PATJ: variants seen among roughly 807,000 people sequenced by gnomAD.
The protein encoded by PATJ is inaD-like protein.
PATJ carries 190 observed loss-of-function variants against 224.9 expected under a neutral mutation model. That is an observed-to-expected ratio of 0.84 (90% CI 0.75 to 0.95). The LOEUF (loss-of-function observed/expected upper bound fraction) is 0.95, where lower values mean the gene tolerates loss of function less well. Ranked by LOEUF, PATJ falls within the 40% of genes least tolerant of loss-of-function variation. The pLI is 0.00. For missense variants in PATJ, 2,121 were observed against 2,270.3 expected, an observed-to-expected ratio of 0.93 and a Z score of 1.34; for synonymous variants, 769 against 820.3, an observed-to-expected ratio of 0.94 and a Z score of 1.07.
chr1:61,906,275 C>T (rs1290452737), intron 24 of PATJ, among the ~76,000 whole-genome samples: 1 of 152,190 alleles, frequency 6.6e-6, no homozygotes, highest in African/African-American at 2.4e-5. Context: ...AACCCAGAAG[C>T]TCATCAAATC....
At chr1:61,927,312 T>C (rs1675354158) in intron 26 of PATJ, among the ~76,000 whole-genome samples, 1 of 152,214 alleles carries the variant, frequency 6.6e-6, no homozygotes, top group Non-Finnish European at 1.5e-5. Flanking sequence ...AGAAAAAGTT[T>C]AAATCATTGT....
At chr1:62,098,813 G>A (rs1280068400) in intron 33 of PATJ, among the ~76,000 whole-genome samples, 1 of 152,038 alleles carries the variant, frequency 6.6e-6, no homozygotes, top group Non-Finnish European at 1.5e-5. Flanking sequence ...AATTTTTAAA[G>A]CATTTGGTCA....
At position 61,796,722 on chromosome 1, in the gene PATJ, C is replaced by CTTTCTTTCTTTCTT. The variant is rs1557661332; in HGVS notation, c.1261-562_1261-561insCTTTCTTTCTTTTT. ...TCTTTCTTTCTTTCTTTCTTTCTTT[C>CTTTCTTTCTTTCTT]TTTTTCTTTCTTTCTTTCTTTTTTT... On this transcript the variant is annotated intron_variant, in intron 10 of 43. Transcript: ENST00000642238. 4.2e-4 allele frequency among the ~76,000 whole-genome samples: 13 copies of CTTTCTTTCTTTCTT among 31,156 alleles called. No homozygotes were observed. The Admixed American group carries it at 5.0e-3, about 12-fold the overall frequency. The allele number at this position is 31,156 out of a possible 152,430, so 20.4% of individuals were successfully genotyped here. A position where few individuals can be genotyped will look rare whatever the true frequency, so the allele number is the denominator to read the frequency against.
intron 33 of PATJ, among the ~76,000 whole-genome samples, chr1:62,101,302 C>T (rs1212466896): frequency 7.2e-6 from 1 of 139,048 alleles, no homozygotes; most frequent in East Asian, 2.3e-4. Context: ...CTCGCTCTGT[C>T]ACCCAGGCTG....
intron 20 of PATJ, among the ~76,000 whole-genome samples, chr1:61,871,200 G>A (rs1228040256): frequency 7.0e-6 from 1 of 143,244 alleles, no homozygotes; most frequent in Non-Finnish European, 1.5e-5. Context: ...AGAAATTCTT[G>A]TTTATTTAAT....
intron 27 of PATJ, among the ~76,000 whole-genome samples, chr1:61,974,531 A>G (rs984427191): frequency 6.7e-6 from 1 of 149,476 alleles, no homozygotes; most frequent in Non-Finnish European, 1.5e-5. Flanking sequence ...CTCCTGACTC[A>G]GCATCCGCTA....
intron 18 of PATJ, among the ~76,000 whole-genome samples, chr1:61,857,057 A>G (rs763365194): frequency 6.6e-6 from 1 of 152,200 alleles, no homozygotes; most frequent in Non-Finnish European, 1.5e-5. Context: ...AACTCCTAGC[A>G]TCAAGAACCC....
chr1:61,763,116 A>AAAGAGTCCTCTCTTC lies in PATJ; in HGVS notation c.129_143dup (p.Lys43_Phe47dup). 6.2e-7 allele frequency: 1 copy of AAAGAGTCCTCTCTTC among 1,609,630 alleles called. No homozygotes were observed. Among genetic ancestry groups the AAAGAGTCCTCTCTTC allele is most frequent in the Non-Finnish European group, 8.5e-7 (1 of 1,177,174 alleles). ...AGTTATCTATGTTTTATGAGACACTAAAGAGTCCTCTCTTCAACCAGATAC... is the reference window on the plus strand; with the variant it reads ...AGTTATCTATGTTTTATGAGACACTAAAGAGTCCTCTCTTCAAGAGTCCTCTCTTCAACCAGATAC... On this transcript the variant is annotated inframe_insertion, in exon 3 of 44. Coordinates refer to ENST00000642238, the MANE Select transcript of PATJ (RefSeq NM_001350145.3).
At chr1:62,006,460 C>G (rs546223811) in intron 28 of PATJ, among the ~76,000 whole-genome samples, 54 of 152,312 alleles carry the variant, frequency 3.5e-4, no homozygotes, top group African/African-American at 1.3e-3. Flanking sequence ...AAAAAATTAA[C>G]AGTAGTTGAA....
At chr1:61,783,853 T>G (rs1216218889) in intron 7 of PATJ, among the ~76,000 whole-genome samples, 2 of 151,724 alleles carry the variant, frequency 1.3e-5, no homozygotes, top group African/African-American at 4.8e-5. Context: ...GTTCAAGTCT[T>G]GTGCCTCAGC....
intron 33 of PATJ, among the ~76,000 whole-genome samples, chr1:62,094,406 T>G (rs989629898): frequency 6.6e-6 from 1 of 151,956 alleles, no homozygotes; most frequent in African/African-American, 2.4e-5. Context: ...TTTTTTTTAT[T>G]TTTATATTTT....
chr1:62,153,357 G>C lies in PATJ; in HGVS notation c.5379-1G>C. 8.1e-7 allele frequency: 1 copy of C among 1,231,388 alleles called. No individual in the cohort carries two copies. The highest frequency in any genetic ancestry group is 1.0e-6 in the Non-Finnish European group (1 of 987,316). The allele number at this position is 1,231,388 out of a possible 1,614,324, so 76.3% of individuals were successfully genotyped here. On this transcript the variant is annotated splice_acceptor_variant, in intron 42 of 43. Coordinates refer to ENST00000642238, the MANE Select transcript of PATJ (RefSeq NM_001350145.3). LOFTEE classifies it high-confidence loss of function. ...TTAAACAGCATGCATTGTGTTTTCA[G>C]AACACCTCCACCTAAGATTATTACT...
At chr1:61,930,832 G>A (rs1020151077) in intron 27 of PATJ, among the ~76,000 whole-genome samples, 5 of 151,880 alleles carry the variant, frequency 3.3e-5, no homozygotes, top group African/African-American at 9.7e-5. Flanking sequence ...CTCAGCCTCC[G>A]GAGTAGCAGG....
At chr1:61,803,534 C>A (rs571231417) in intron 12 of PATJ, among the ~76,000 whole-genome samples, 70 of 152,120 alleles carry the variant, frequency 4.6e-4, no homozygotes, top group African/African-American at 1.6e-3. Flanking sequence ...CCGGTAAAGA[C>A]AATGAACAGA....
intron 14 of PATJ, among the ~76,000 whole-genome samples, chr1:61,821,510 T>A (rs990031850): frequency 6.6e-6 from 1 of 152,172 alleles, no homozygotes; most frequent in African/African-American, 2.4e-5. Context: ...GCCAGACTCC[T>A]TGCCACTTCA....
intron 33 of PATJ, among the ~76,000 whole-genome samples, chr1:62,096,808 G>C (rs910240509): frequency 1.3e-5 from 2 of 152,094 alleles, no homozygotes; most frequent in Non-Finnish European, 2.9e-5. Flanking sequence ...GTACAGACGA[G>C]GTTTCACCAG....
chr1:62,135,200 C>T (rs934276686), intron 41 of PATJ, among the ~76,000 whole-genome samples: 5 of 151,988 alleles, frequency 3.3e-5, no homozygotes, highest in African/African-American at 1.2e-4. Context: ...AAAGTAGTCT[C>T]CAGGGTTTGC....
rs2498972 is a variant in PATJ at position 61,976,877 on chromosome 1, C to T, written c.3671-13291C>T. 3.6e-3 allele frequency among the ~76,000 whole-genome samples: 540 copies of T among 152,098 alleles called. 8 individuals are homozygous for T. The highest frequency in any genetic ancestry group is 0.012 in the African/African-American group (509 of 41,390). On this transcript the variant is annotated intron_variant, in intron 27 of 43. Transcript: ENST00000642238. The stretch of plus-strand genomic sequence containing the variant: ...TTATTTTTCTTTACTGAAATATTTT[C>T]AAATTATCCCCAGACATTATGTCAT...
chr1:61,921,910 T>TAAA (rs1674393059), intron 26 of PATJ, among the ~76,000 whole-genome samples: 1 of 152,148 alleles, frequency 6.6e-6, no homozygotes, highest in Non-Finnish European at 1.5e-5. Flanking sequence ...TGCAGTTTTG[T>TAAA]ACATGTCAAT....
Sources: gnomAD v4.1 joint callset for allele counts (sites outside exome capture counted in the v4.1 genomes callset) on GRCh38, gnomAD v4.1.1 for gene constraint, MANE v1.5 for transcripts, NCBI Gene and HGNC (gene_info 2026-07-23, HGNC 2026-07-21) for gene names.